The following INTS10 variants were observed in gnomAD, a reference collection of about 807,000 sequenced individuals.
INTS10 encodes the protein integrator complex subunit 10.
Under a neutral mutation model 94.4 loss-of-function variants are expected in INTS10, and 44 were observed. The observed-to-expected ratio is 0.47, with a 90% CI of 0.37 to 0.60. The LOEUF (loss-of-function observed/expected upper bound fraction) is 0.60, where lower values mean the gene tolerates loss of function less well. Ranked by LOEUF, INTS10 falls within the 20% of genes least tolerant of loss-of-function variation. The probability of loss-of-function intolerance (pLI) is 0.00; values close to 1 mark genes in which losing one functional copy is unlikely to be tolerated. For synonymous variants in INTS10, 341 were observed against 320.7 expected (o/e 1.06, Z -0.68); for missense variants, 797 against 868.7 (o/e 0.92, Z 1.04).
Position 19,844,171 on chromosome 8 carries a change from G to T in INTS10, c.1815G>T (p.Leu605=), listed in dbSNP as rs750710181. The T allele has an allele frequency of 1.2e-6, 2 of 1,613,832 alleles. No homozygotes were observed. Among genetic ancestry groups the T allele is most frequent in the East Asian group, 2.2e-5 (1 of 44,876 alleles). ...GGCCACGGGGCGAGAATCTTTTCCT[G>T]AAAGCTGTCAATAAAATTTGCCAAC... The part of the protein sequence containing the change: ...QEWPRGENLF[L]KAVNKICQQG... The change falls in exon 15 of 17, where the codon CTG becomes CTT. Residue 605 remains leucine, a synonymous_variant. Transcript: ENST00000397977.
Position 19,817,558 on chromosome 8 carries a change from C to T in INTS10, c.21C>T (p.Cys7=). 1 of 1,608,514 alleles carries T rather than the reference C, an allele frequency of 6.2e-7. No individual in the cohort carries two copies. The highest frequency in any genetic ancestry group is 8.5e-7 in the Non-Finnish European group (1 of 1,178,370). ...GGGTCATGTCTGCCCAGGGGGACTG[C>T]GAGTTCCTGGTGCAGCGAGCCCGGG... MSAQGD[C]EFLVQRAREL... is the part of the protein sequence containing the mutation. Residue 7 remains cysteine, a synonymous_variant, in exon 1 of 17, where the codon TGC becomes TGT. Transcript: ENST00000397977.
At chr8:19,829,520 G>T (rs370458250) in intron 9 of INTS10, among the ~76,000 whole-genome samples, 1 of 152,152 alleles carries the variant, frequency 6.6e-6, no homozygotes, top group African/African-American at 2.4e-5. Flanking sequence ...GGCTTTACTA[G>T]GTAAGTGCAG....
intron 12 of INTS10, 120 bp from the exon 13 acceptor site, chr8:19,836,932 T>C: frequency 6.0e-6 from 4 of 668,114 alleles, no homozygotes; most frequent in Non-Finnish European, 5.4e-6. Context: ...CATAGAGAGG[T>C]AGAAATACAG....
intron 16 of INTS10, chr8:19,848,727 G>A (rs1210547924): frequency 6.5e-6 from 1 of 152,756 alleles, no homozygotes; most frequent in Admixed American, 6.5e-5. Context: ...CTTCAGTCCT[G>A]TTAAAGATGG....
chr8:19,851,977 C>T lies in INTS10; in HGVS notation c.*172C>T. ...AAGTAGTTCCCAAGAGTCTGAGAAG[C>T]TATTTCTATTTTTAAGAGTCATTTT... On this transcript the variant is annotated 3_prime_UTR_variant, in exon 17 of 17. Coordinates refer to ENST00000397977, the MANE Select transcript of INTS10 (RefSeq NM_018142.4). This position sits in a 1 kb window ranked among gnomAD's most constrained non-coding sequence, Gnocchi z 5.0. The T allele has an allele frequency of 2.3e-6, 1 of 437,064 alleles. No homozygotes were observed. The highest frequency in any genetic ancestry group is 4.0e-6 in the Non-Finnish European group (1 of 250,018). 27.1% of individuals were successfully genotyped at this position (437,064 alleles called of 1,614,324 possible).
intron 13 of INTS10, among the ~76,000 whole-genome samples, chr8:19,838,875 T>C (rs1319308446): frequency 6.6e-6 from 1 of 151,726 alleles, no homozygotes; most frequent in Non-Finnish European, 1.5e-5. Flanking sequence ...ATAGAGACCA[T>C]CCTTGCTAAT....
chr8:19,822,641 T>G, intron 5 of INTS10, 121 bp downstream of exon 5: 1 of 605,654 alleles, frequency 1.7e-6, no homozygotes, highest in East Asian at 3.0e-5. Context: ...GGCATTTAAG[T>G]TCTTTTTTTT....
intron 9 of INTS10, among the ~76,000 whole-genome samples, chr8:19,828,207 T>A (rs1329374020): frequency 6.6e-6 from 1 of 152,114 alleles, no homozygotes; most frequent in Non-Finnish European, 1.5e-5. Context: ...GGAGACCCCG[T>A]CTATAAAAAA....
chr8:19,848,352 G>C (rs913111480), intron 16 of INTS10, among the ~76,000 whole-genome samples: 12 of 152,188 alleles, frequency 7.9e-5, no homozygotes, highest in African/African-American at 2.9e-4. Context: ...GGCACCCGGT[G>C]CTTCACTCAA....
chr8:19,825,813 T>C (rs1188253470), intron 8 of INTS10, among the ~76,000 whole-genome samples: 1 of 152,166 alleles, frequency 6.6e-6, no homozygotes, highest in African/African-American at 2.4e-5. Flanking sequence ...GGTAGTCTTT[T>C]ATGGTACTTT....
chr8:19,818,221 C>A, intron 1 of INTS10, 54 bp from the exon 2 acceptor site: 1 of 1,563,276 alleles, frequency 6.4e-7, no homozygotes, highest in Non-Finnish European at 8.8e-7. Flanking sequence ...GCTGGATGAG[C>A]TGGGAGCCTT....
intron 1 of INTS10, among the ~76,000 whole-genome samples, chr8:19,817,906 G>A (rs996986284): frequency 6.6e-6 from 1 of 151,446 alleles, no homozygotes; most frequent in African/African-American, 2.4e-5. Flanking sequence ...AGAGACGGCC[G>A]ATCCCGCTTG....
intron 10 of INTS10, 124 bp from the exon 11 acceptor site, chr8:19,831,904 C>A: frequency 3.0e-6 from 2 of 662,774 alleles, no homozygotes; most frequent in Non-Finnish European, 2.8e-6. Flanking sequence ...TGTTAGAAAT[C>A]AAAGTCAAAG....
At chr8:19,850,732 A>C (rs1222668893) in intron 16 of INTS10, among the ~76,000 whole-genome samples, 1 of 152,224 alleles carries the variant, frequency 6.6e-6, no homozygotes, top group Non-Finnish European at 1.5e-5. Context: ...TTGCTGAACT[A>C]GTAGGTAAAA....
At chr8:19,845,599 G>A in intron 15 of INTS10, 105 bp from the exon 16 acceptor site, 1 of 754,572 alleles carries the variant, frequency 1.3e-6, no homozygotes, top group South Asian at 1.5e-5. Context: ...ACCTTTTTTA[G>A]TGGGATGGCA....
chr8:19,822,637 T>A, intron 5 of INTS10, 117 bp downstream of exon 5: 2 of 614,932 alleles, frequency 3.3e-6, no homozygotes, highest in Non-Finnish European at 5.5e-6. Flanking sequence ...TTATGGCATT[T>A]AAGTTCTTTT....
intron 9 of INTS10, among the ~76,000 whole-genome samples, chr8:19,827,174 G>A (rs2066865416): frequency 6.6e-6 from 1 of 152,174 alleles, no homozygotes; most frequent in Non-Finnish European, 1.5e-5. Context: ...AGAATCGTCA[G>A]TCCTCTAACC....
At position 19,847,597 on chromosome 8, in the gene INTS10, G is replaced by A. The variant is rs115552292; in HGVS notation, c.1976+1800G>A. 5.8e-3 allele frequency among the ~76,000 whole-genome samples: 879 copies of A among 152,308 alleles called. 9 individuals are homozygous for A. Among genetic ancestry groups the A allele is most frequent in the African/African-American group, 0.02 (834 of 41,560 alleles). ...AGTCTGTGTACATAGGATTAAACCT[G>A]CAGATGATTATCACTTTACCTAGAT... is the stretch of plus-strand genomic sequence containing the variant. On this transcript the variant is annotated intron_variant, in intron 16 of 16. Coordinates refer to ENST00000397977, the MANE Select transcript of INTS10 (RefSeq NM_018142.4).
At chr8:19,827,753 A>G (rs1389202742) in intron 9 of INTS10, among the ~76,000 whole-genome samples, 3 of 151,974 alleles carry the variant, frequency 2.0e-5, no homozygotes, top group Non-Finnish European at 4.4e-5. Flanking sequence ...ATTTCCATCC[A>G]TTTTTGTTTT....
Sources: gnomAD v4.1 joint callset for allele counts (sites outside exome capture counted in the v4.1 genomes callset) on GRCh38, gnomAD v4.1.1 for gene constraint, Gnocchi (gnomAD v3.1) non-coding constraint, MANE v1.5 for transcripts, NCBI Gene and HGNC (gene_info 2026-07-23, HGNC 2026-07-21) for gene names.